Variants in RBM6 observed in about 807,000 individuals in gnomAD.
RBM6 encodes RNA binding motif protein 6, also known as RNA-binding protein 6.
A neutral mutation model predicts 140.4 loss-of-function variants in RBM6; 23 were observed. The observed-to-expected ratio is 0.16, with a 90% CI of 0.12 to 0.23. The LOEUF (loss-of-function observed/expected upper bound fraction) is 0.23, where lower values mean the gene tolerates loss of function less well. Ranked by LOEUF, RBM6 falls within the 10% of genes least tolerant of loss-of-function variation. The pLI is 1.00. For missense variants in RBM6, 1,139 were observed against 1,386.7 expected (o/e 0.82, Z 2.84); for synonymous variants, 439 against 475.6 (o/e 0.92, Z 1.00).
rs201064128 is a variant in RBM6 at position 50,061,156 on chromosome 3, G to A, written c.2288G>A (p.Arg763Gln). 30 of 1,614,134 alleles carry A rather than the reference G, an allele frequency of 1.9e-5. No individual in the cohort carries two copies. The highest frequency in any genetic ancestry group is 8.3e-5 in the Admixed American group (5 of 60,012). Residue 763 changes from arginine (R) to glutamine (Q), a missense_variant, in exon 13 of 21, where the codon CGA becomes CAA. This residue lies in a region of RBM6 where 163 missense variants were observed against 182.8 expected (regional missense o/e 0.89). Coordinates refer to ENST00000266022, the MANE Select transcript of RBM6 (RefSeq NM_005777.3). ...MHYYQGKKYF[R>Q]DRRGGGRNSD... ...CTGTGATAGGGTAAAAAATATTTCC[G>A]AGATAGGAGGGGAGGTGGCAGAAAT...
Position 50,061,170 on chromosome 3 carries a change from G to A in RBM6, c.2302G>A (p.Gly768Ser). 6.2e-7 allele frequency: 1 copy of A among 1,614,172 alleles called. No individual in the cohort carries two copies. Among genetic ancestry groups the A allele is most frequent in the Non-Finnish European group, 8.5e-7 (1 of 1,180,020 alleles). The part of the protein sequence containing the change: ...GKKYFRDRRG[G>S]GRNSDWSSDT... ...AAAATATTTCCGAGATAGGAGGGGA[G>A]GTGGCAGAAATTCAGACTGGTCTTC... The change falls in exon 13 of 21, where the codon GGT becomes AGT. Residue 768 changes from glycine to serine, a missense_variant. Around this residue, in one of 9 missense-constraint regions of RBM6, gnomAD observed 163 missense variants for 182.8 expected, o/e 0.89. Coordinates refer to ENST00000266022, the MANE Select transcript of RBM6 (RefSeq NM_005777.3).
intron 5 of RBM6, among the ~76,000 whole-genome samples, chr3:49,986,887 G>A (rs776297302): frequency 6.6e-6 from 1 of 151,630 alleles, no homozygotes; most frequent in Non-Finnish European, 1.5e-5. Context: ...CCAGGTTCAA[G>A]CTGTCCTCCT....
intron 6 of RBM6, among the ~76,000 whole-genome samples, chr3:50,003,417 T>C (rs2086435518): frequency 6.6e-6 from 1 of 152,050 alleles, no homozygotes; most frequent in African/African-American, 2.4e-5. Context: ...TGGCAACTCT[T>C]AGTAGAGCCT....
intron 5 of RBM6, among the ~76,000 whole-genome samples, chr3:49,988,040 C>A (rs1232823946): frequency 6.6e-6 from 1 of 152,164 alleles, no homozygotes; most frequent in Non-Finnish European, 1.5e-5. Context: ...GTAATCAAGA[C>A]AGGGAAATGA....
intron 5 of RBM6, among the ~76,000 whole-genome samples, chr3:49,988,457 T>A (rs1013541322): frequency 6.6e-6 from 1 of 152,148 alleles, no homozygotes; most frequent in African/African-American, 2.4e-5. Flanking sequence ...TTTTTTTTTT[T>A]TAACCACTAT....
At chr3:50,063,991 G>A (rs902164869) in intron 15 of RBM6, among the ~76,000 whole-genome samples, 2 of 151,350 alleles carry the variant, frequency 1.3e-5, no homozygotes, top group Non-Finnish European at 2.9e-5. Flanking sequence ...GTGCAGTGGC[G>A]TGATCTATCT....
intron 6 of RBM6, among the ~76,000 whole-genome samples, chr3:50,015,486 A>G (rs1387734188): frequency 6.7e-6 from 1 of 149,840 alleles, no homozygotes; most frequent in Non-Finnish European, 1.5e-5. Context: ...GCTGGAGTGC[A>G]GTGGCGCGAT....
At chr3:49,953,769 A>G (rs758910018) in intron 1 of RBM6, among the ~76,000 whole-genome samples, 1 of 149,376 alleles carries the variant, frequency 6.7e-6, no homozygotes, top group Non-Finnish European at 1.5e-5. Context: ...ATCTGCCCGC[A>G]TCAGCCTCCC....
At chr3:50,007,158 CAG>C (rs1197406475) in intron 6 of RBM6, among the ~76,000 whole-genome samples, 3 of 150,392 alleles carry the variant, frequency 2.0e-5, no homozygotes, top group African/African-American at 7.3e-5. Context: ...TACGGATTAT[CAG>C]GGGACTCCTT....
At chr3:49,990,627 T>C (rs984978163) in intron 5 of RBM6, among the ~76,000 whole-genome samples, 4 of 152,268 alleles carry the variant, frequency 2.6e-5, no homozygotes, top group African/African-American at 9.6e-5. Context: ...TGAATATGTT[T>C]GACAGATGTA....
rs139652708 is a variant in RBM6, at chr3:49,962,684, C to T, written c.43C>T (p.Arg15Cys). ...ACCTGCTAACAGAACTGGACCTTTTCGGTAAGTTCTCAAATTTGAATATTG... is the reference window on the plus strand; with the variant it reads ...ACCTGCTAACAGAACTGGACCTTTTTGGTAAGTTCTCAAATTTGAATATTG... ...SRPANRTGPF[R>C]GSQEERFAPG... Residue 15 changes from arginine (R) to cysteine (C), a missense_variant and splice_region_variant, in exon 2 of 21, where the codon CGT becomes TGT. By Grantham distance (180) the Arg-to-Cys change is radical. This residue lies in a region of RBM6 where 566 missense variants were observed against 612.7 expected (regional missense o/e 0.92). Transcript: ENST00000266022. The T allele has an allele frequency of 1.9e-4, 292 of 1,569,286 alleles. 2 individuals are homozygous for T. In the East Asian group the frequency reaches 4.7e-3, roughly 25 times the overall value.
In RBM6 at chr3:49,982,077, C is replaced by T. The variant is rs576516760; in HGVS notation, c.1483+6685C>T. Reference sequence around the variant, plus strand: ...GTTAGTAGGAAGAAGCAATATCTTGCTTTAGCCCGTCAGTGTTCATGTGGT... The same window carrying T: ...GTTAGTAGGAAGAAGCAATATCTTGTTTTAGCCCGTCAGTGTTCATGTGGT... On this transcript the variant is annotated intron_variant, in intron 5 of 20. Transcript: ENST00000266022. Among the ~76,000 whole-genome samples, 3 of 152,194 alleles carry T rather than the reference C, an allele frequency of 2.0e-5. No individual in the cohort carries two copies. In the East Asian group the frequency reaches 5.8e-4, roughly 29 times the overall value.
At chr3:49,982,012 A>T (rs2085325700) in intron 5 of RBM6, among the ~76,000 whole-genome samples, 1 of 152,222 alleles carries the variant, frequency 6.6e-6, no homozygotes. Context: ...GTACTGGTTT[A>T]TTAACTAATG....
intron 3 of RBM6, 21 bp downstream of exon 3, chr3:49,968,769 G>GTTTTTTTTTT (rs766391915): frequency 1.9e-6 from 1 of 535,756 alleles, no homozygotes; most frequent in African/African-American, 2.9e-5. Context: ...GGGGTGGATT[G>GTTTTTTTTTT]CTTTTTTTTT....
intron 8 of RBM6, 109 bp from the exon 9 acceptor site, chr3:50,057,619 G>C (rs903081237): frequency 2.9e-6 from 2 of 687,210 alleles, no homozygotes; most frequent in African/African-American, 3.7e-5. Flanking sequence ...AGGCATTCCA[G>C]TATGAGTATT....
At chr3:50,054,561 A>G (rs1046027416) in intron 8 of RBM6, among the ~76,000 whole-genome samples, 166 bp downstream of exon 8, 4 of 149,540 alleles carry the variant, frequency 2.7e-5, no homozygotes, top group African/African-American at 9.9e-5. Flanking sequence ...GCTGGAGTGC[A>G]GTGGCACCAT....
At chr3:49,950,984 G>GC in intron 1 of RBM6, among the ~76,000 whole-genome samples, 1 of 152,242 alleles carries the variant, frequency 6.6e-6, no homozygotes, top group South Asian at 2.1e-4. Context: ...GGAAAATGTG[G>GC]TATGTACATA....
chr3:49,985,732 G>A (rs938843974), intron 5 of RBM6, among the ~76,000 whole-genome samples: 4 of 151,334 alleles, frequency 2.6e-5, no homozygotes, highest in African/African-American at 4.9e-5. Context: ...TCAGCCTCCC[G>A]AGTAGCTGGG....
intron 6 of RBM6, among the ~76,000 whole-genome samples, chr3:50,034,872 T>C (rs2088416502): frequency 1.3e-5 from 2 of 152,192 alleles, no homozygotes; most frequent in African/African-American, 4.8e-5. Flanking sequence ...AGTACTGATA[T>C]ATCATGGCTA....
Sources: allele counts gnomAD v4.1 joint callset (sites outside exome capture counted in the v4.1 genomes callset), GRCh38; gene constraint gnomAD v4.1.1; regional missense constraint gnomAD v4.1.1; transcripts MANE v1.5; gene names NCBI Gene and HGNC (gene_info 2026-07-23, HGNC 2026-07-21).